MTRF1: variants seen among roughly 807,000 people sequenced by gnomAD.
MTRF1 encodes the protein mitochondrial translation release factor 1.
In MTRF1, 51 loss-of-function variants were observed where a neutral mutation model predicts 62.9. That is an observed-to-expected ratio of 0.81 (90% CI 0.65 to 1.02). The LOEUF is 1.02. Among genes scored for constraint, MTRF1 ranks in the 50% least tolerant of loss-of-function variants. The pLI is 0.00. For synonymous variants in MTRF1, 158 were observed against 181.9 expected (o/e 0.87, Z 1.06); for missense variants, 446 against 530.0 (o/e 0.84, Z 1.56).
chr13:41,311,865 C>T, the MTRF1 span, among the ~76,000 whole-genome samples: 1 of 152,240 alleles, frequency 6.6e-6, no homozygotes, highest in East Asian at 1.9e-4. Context: ...AGTGCCCGGG[C>T]ACAGCCGCCT....
chr13:41,293,506 C>T, the MTRF1 span, among the ~76,000 whole-genome samples: 4 of 152,120 alleles, frequency 2.6e-5, no homozygotes, highest in African/African-American at 9.7e-5. Flanking sequence ...ATAAACTCAG[C>T]CTAAAACAGA....
the MTRF1 span, among the ~76,000 whole-genome samples, chr13:41,280,016 C>T: frequency 6.6e-6 from 1 of 152,188 alleles, no homozygotes. Context: ...CAGCTCACCA[C>T]AACCTCCGTC....
intron 2 of MTRF1, among the ~76,000 whole-genome samples, chr13:41,254,924 A>G (rs1192573307): frequency 2.6e-5 from 4 of 152,210 alleles, no homozygotes; most frequent in African/African-American, 9.6e-5. Flanking sequence ...TAACAAAAAT[A>G]TGCTTAATAT....
chr13:41,301,054 A>G, the MTRF1 span, among the ~76,000 whole-genome samples: 3 of 152,258 alleles, frequency 2.0e-5, no homozygotes, highest in African/African-American at 7.2e-5. Context: ...TTAAATAAGA[A>G]ATAGCAAATT....
At chr13:41,224,167 G>T (rs1282302874) in intron 8 of MTRF1, among the ~76,000 whole-genome samples, 1 of 152,040 alleles carries the variant, frequency 6.6e-6, no homozygotes, top group Non-Finnish European at 1.5e-5. Flanking sequence ...TCATCTCAAG[G>T]GATGCCCTTC....
At chr13:41,294,980 T>C in the MTRF1 span, among the ~76,000 whole-genome samples, 2 of 152,226 alleles carry the variant, frequency 1.3e-5, no homozygotes, top group African/African-American at 4.8e-5. Flanking sequence ...GAATTTTTAA[T>C]TCTGAAATCT....
At chr13:41,297,625 G>C in the MTRF1 span, among the ~76,000 whole-genome samples, 1 of 151,644 alleles carries the variant, frequency 6.6e-6, no homozygotes, top group African/African-American at 2.4e-5. Context: ...ACCTAGGCTG[G>C]AGTGCAGTGG....
At chr13:41,243,527 G>A (rs2138995415) in intron 5 of MTRF1, among the ~76,000 whole-genome samples, 1 of 152,260 alleles carries the variant, frequency 6.6e-6, no homozygotes, top group South Asian at 2.1e-4. Context: ...GGGACTCTGG[G>A]CTCAGGGAAC....
At chr13:41,229,581 G>A (rs1343940274) in intron 7 of MTRF1, 2 of 152,022 alleles carry the variant, frequency 1.3e-5, no homozygotes, top group Non-Finnish European at 2.9e-5. Flanking sequence ...TACATAGGGT[G>A]GTTTTACAAC....
intron 7 of MTRF1, among the ~76,000 whole-genome samples, chr13:41,233,035 G>T (rs992216548): frequency 7.9e-5 from 12 of 152,102 alleles, no homozygotes; most frequent in Admixed American, 2.6e-4. Context: ...AATTAATTTT[G>T]CCAAAAGATA....
chr13:41,226,450 T>C lies in MTRF1; in HGVS notation c.1107A>G (p.Gln369=), dbSNP rs1375509608. Residue 369 remains glutamine, a synonymous_variant, in exon 8 of 10, where the codon CAA becomes CAG. Coordinates refer to ENST00000379480, the MANE Select transcript of MTRF1 (RefSeq NM_004294.4). ...QIIEKDKRQQ[Q]SARKLQVGTR... ...ATCTTACCTGCAGTTTTCTAGCACT[T>C]TGTTGCTGACGCTTGTCTTTCTCAA... 8 of 1,611,152 alleles carry C rather than the reference T, an allele frequency of 5.0e-6. No homozygotes were observed. The East Asian group carries it at 8.9e-5, about 18-fold the overall frequency.
chr13:41,237,787 A>C (rs2138918821), intron 6 of MTRF1, among the ~76,000 whole-genome samples: 1 of 152,358 alleles, frequency 6.6e-6, no homozygotes, highest in East Asian at 1.9e-4. Context: ...GGCGTGAGCC[A>C]CCACACCCAG....
chr13:41,231,386 A>T (rs1413027852), intron 7 of MTRF1, among the ~76,000 whole-genome samples: 1 of 152,244 alleles, frequency 6.6e-6, no homozygotes, highest in East Asian at 1.9e-4. Context: ...GGCAGGAGGT[A>T]TATTTCTGGA....
At chr13:41,221,743 C>T (rs979330297) in intron 9 of MTRF1, among the ~76,000 whole-genome samples, 4 of 152,056 alleles carry the variant, frequency 2.6e-5, no homozygotes, top group African/African-American at 7.2e-5. Context: ...GTTTCACAAC[C>T]GAATACTATA....
chr13:41,304,673 C>T, the MTRF1 span, among the ~76,000 whole-genome samples: 1 of 152,164 alleles, frequency 6.6e-6, no homozygotes, highest in Non-Finnish European at 1.5e-5. Flanking sequence ...CCATGCTCCT[C>T]CATTTATGTA....
chr13:41,287,892 A>G, the MTRF1 span: 1 of 390,322 alleles, frequency 2.6e-6, no homozygotes, highest in Non-Finnish European at 5.0e-6. Context: ...ATTCCTGGCT[A>G]AAAACTGCAG....
chr13:41,275,363 G>A, the MTRF1 span, among the ~76,000 whole-genome samples: 2 of 152,048 alleles, frequency 1.3e-5, no homozygotes, highest in African/African-American at 4.8e-5. Context: ...ACCATGCCCG[G>A]CTAATTTGTT....
chr13:41,257,267 G>A (rs2139157179), intron 2 of MTRF1, among the ~76,000 whole-genome samples: 1 of 152,320 alleles, frequency 6.6e-6, no homozygotes, highest in East Asian at 1.9e-4. Context: ...TATAGACAAT[G>A]GGAACAGGTG....
At chr13:41,246,577 C>T (rs991634865) in intron 5 of MTRF1, among the ~76,000 whole-genome samples, 3 of 152,070 alleles carry the variant, frequency 2.0e-5, no homozygotes, top group African/African-American at 7.2e-5. Flanking sequence ...AAACATATTA[C>T]TGGATAATAA....
Sources: allele counts gnomAD v4.1 joint callset (sites outside exome capture counted in the v4.1 genomes callset), GRCh38; gene constraint gnomAD v4.1.1; transcripts MANE v1.5; gene names NCBI Gene and HGNC (gene_info 2026-07-23, HGNC 2026-07-21).